Variants in COBL observed in about 807,000 individuals in gnomAD.
The protein encoded by COBL is cordon-bleu WH2 repeat protein.
Under a neutral mutation model 98.8 loss-of-function variants are expected in COBL, and 51 were observed. The observed-to-expected ratio is 0.52, with a 90% CI of 0.41 to 0.65. The LOEUF (loss-of-function observed/expected upper bound fraction) is 0.65. Among genes scored for constraint, COBL ranks in the 30% least tolerant of loss-of-function variants. The pLI is 0.00. For synonymous variants in COBL, 634 were observed against 651.7 expected (o/e 0.97, Z 0.41); for missense variants, 1,617 against 1,617.5 (o/e 1.00, Z 0.01).
chr7:51,062,363 C>T (rs1407959372), intron 7 of COBL, among the ~76,000 whole-genome samples: 1 of 149,594 alleles, frequency 6.7e-6, no homozygotes, highest in African/African-American at 2.4e-5. Flanking sequence ...AGCTGCTTCT[C>T]CAAAGCCTCC....
At chr7:51,259,597 T>A in intron 1 of COBL, 1 of 746,464 alleles carries the variant, frequency 1.3e-6, no homozygotes, top group Non-Finnish European at 2.4e-6. Flanking sequence ...AGGAAGGCAA[T>A]TTCATGAATG....
At chr7:51,277,269 T>C (rs1799393598) in intron 1 of COBL, among the ~76,000 whole-genome samples, 1 of 152,168 alleles carries the variant, frequency 6.6e-6, no homozygotes, top group South Asian at 2.1e-4. Context: ...TTCATGAATA[T>C]GTGTGCCTTG....
At chr7:51,239,749 C>T (rs1012021238) in intron 1 of COBL, among the ~76,000 whole-genome samples, 6 of 152,180 alleles carry the variant, frequency 3.9e-5, no homozygotes, top group Non-Finnish European at 8.8e-5. Context: ...CAGCTCCACA[C>T]TCATGTCTCA....
chr7:51,176,677 G>A (rs1354493931), intron 5 of COBL, among the ~76,000 whole-genome samples: 1 of 152,162 alleles, frequency 6.6e-6, no homozygotes, highest in African/African-American at 2.4e-5. Context: ...AGGCATATGA[G>A]ACAGATAAAC....
At chr7:51,231,010 G>C (rs1794690483) in intron 1 of COBL, among the ~76,000 whole-genome samples, 1 of 152,234 alleles carries the variant, frequency 6.6e-6, no homozygotes, top group South Asian at 2.1e-4. Flanking sequence ...GTGACTGGGA[G>C]AGGGGTTAAC....
chr7:51,316,556 C>A (rs886169225), intron 1 of COBL, 37 bp downstream of exon 1: 14 of 1,210,076 alleles, frequency 1.2e-5, no homozygotes, highest in African/African-American at 1.6e-5. Context: ...CCCAGGGAAG[C>A]CCCCTCTCCA....
chr7:51,269,164 C>G (rs1798517782), intron 1 of COBL, among the ~76,000 whole-genome samples: 1 of 152,124 alleles, frequency 6.6e-6, no homozygotes. Flanking sequence ...TGCAGCCCCC[C>G]ACCAAGCCTC....
At chr7:51,283,460 T>A (rs1003562482) in intron 1 of COBL, among the ~76,000 whole-genome samples, 2 of 152,210 alleles carry the variant, frequency 1.3e-5, no homozygotes, top group Admixed American at 6.5e-5. Context: ...TGTACCCATT[T>A]AAAAATTTGA....
chr7:51,291,063 C>T (rs1009075550), intron 1 of COBL, among the ~76,000 whole-genome samples: 3 of 152,316 alleles, frequency 2.0e-5, no homozygotes, highest in Middle Eastern at 3.4e-3. Flanking sequence ...AACAGATGAA[C>T]GGCTAGCTGC....
intron 6 of COBL, among the ~76,000 whole-genome samples, chr7:51,116,733 T>C (rs2128984516): frequency 6.6e-6 from 1 of 152,196 alleles, no homozygotes; most frequent in East Asian, 1.9e-4. Context: ...TTCTGTTAAG[T>C]GTTTCTTTTA....
At chr7:51,309,796 C>T (rs1455178481) in intron 1 of COBL, among the ~76,000 whole-genome samples, 1 of 152,190 alleles carries the variant, frequency 6.6e-6, no homozygotes, top group Non-Finnish European at 1.5e-5. Flanking sequence ...AAGTAATAGT[C>T]CTGGCTCCAA....
intron 1 of COBL, among the ~76,000 whole-genome samples, chr7:51,224,399 C>T (rs1028594131): frequency 3.9e-5 from 6 of 151,968 alleles, no homozygotes; most frequent in African/African-American, 1.5e-4. Flanking sequence ...TCCAAACGAG[C>T]CAAGCTTTCT....
chr7:51,178,835 C>T (rs1788660977), intron 5 of COBL, among the ~76,000 whole-genome samples: 1 of 152,140 alleles, frequency 6.6e-6, no homozygotes, highest in Admixed American at 6.5e-5. Context: ...TCTCCAACTC[C>T]CGACCTCAGG....
intron 6 of COBL, among the ~76,000 whole-genome samples, chr7:51,096,262 G>GT (rs1795263461): frequency 6.6e-6 from 1 of 152,062 alleles, no homozygotes. Flanking sequence ...ATACAATCTT[G>GT]AACAACCAAT....
chr7:51,143,232 T>C (rs892624211), intron 5 of COBL, among the ~76,000 whole-genome samples: 3 of 152,134 alleles, frequency 2.0e-5, no homozygotes, highest in Admixed American at 1.3e-4. Flanking sequence ...GTGTGACTGC[T>C]TGCGGTCAGA....
intron 6 of COBL, among the ~76,000 whole-genome samples, chr7:51,098,797 A>T (rs1193944480): frequency 6.6e-6 from 1 of 152,226 alleles, no homozygotes; most frequent in Non-Finnish European, 1.5e-5. Context: ...GCAACAAAGG[A>T]AACAATCAAC....
intron 7 of COBL, among the ~76,000 whole-genome samples, chr7:51,060,615 C>T (rs1017005138): frequency 2.0e-5 from 3 of 152,142 alleles, no homozygotes; most frequent in Non-Finnish European, 2.9e-5. Context: ...GCTGTTTCTC[C>T]CATAGGGTCC....
chr7:51,302,367 AG>A (rs1016752932), intron 1 of COBL, among the ~76,000 whole-genome samples: 1 of 152,100 alleles, frequency 6.6e-6, no homozygotes, highest in Non-Finnish European at 1.5e-5. Context: ...GGATCACCTG[AG>A]GTCGGGAGTT....
chr7:51,315,598 T>C lies in COBL; in HGVS notation c.41+995A>G, dbSNP rs181201577. Among the ~76,000 whole-genome samples, 16 of 152,212 alleles carry C rather than the reference T, an allele frequency of 1.1e-4. No individual in the cohort carries two copies. In the East Asian group the frequency reaches 2.7e-3, roughly 26 times the overall value. On this transcript the variant is annotated intron_variant, in intron 1 of 12. Coordinates refer to ENST00000265136, the MANE Select transcript of COBL (RefSeq NM_015198.5). The stretch of plus-strand genomic sequence containing the variant: ...ACCCTCATTCCATTTGCAAGACTCA[T>C]ACACATTTGCTCCAGGCGAGCGAGC...
Sources: gnomAD v4.1 joint callset for allele counts (sites outside exome capture counted in the v4.1 genomes callset) on GRCh38, gnomAD v4.1.1 for gene constraint, MANE v1.5 for transcripts, NCBI Gene and HGNC (gene_info 2026-07-23, HGNC 2026-07-21) for gene names.